Variants in NCAM2 observed in about 807,000 individuals in gnomAD.
NCAM2 encodes neural cell adhesion molecule 2, also known as N-CAM-2.
Under a neutral mutation model 98.1 loss-of-function variants are expected in NCAM2, and 30 were observed. The observed-to-expected ratio is 0.31, with a 90% CI of 0.23 to 0.41. The LOEUF (loss-of-function observed/expected upper bound fraction) is 0.41. NCAM2 is among the 10% of genes least tolerant of loss of function. The pLI, the probability that NCAM2 is intolerant of heterozygous loss-of-function variation, is 1.00. For missense variants in NCAM2, 867 were observed against 1,005.8 expected, an observed-to-expected ratio of 0.86 and a Z score of 1.87; for synonymous variants, 368 against 342.4, an observed-to-expected ratio of 1.07 and a Z score of -0.83.
At chr21:21,252,424 C>A (rs1287812709) in intron 1 of NCAM2, among the ~76,000 whole-genome samples, 1 of 150,244 alleles carries the variant, frequency 6.7e-6, no homozygotes, top group African/African-American at 2.4e-5. Context: ...AAAATATAAT[C>A]AATTATTATA....
At chr21:21,396,684 A>G (rs909386267) in intron 9 of NCAM2, among the ~76,000 whole-genome samples, 3 of 152,270 alleles carry the variant, frequency 2.0e-5, no homozygotes, top group Non-Finnish European at 2.9e-5. Context: ...TCCAGGTGCC[A>G]CTCCATGCAA....
intron 8 of NCAM2, among the ~76,000 whole-genome samples, chr21:21,340,908 T>C (rs2075012611): frequency 6.6e-6 from 1 of 152,036 alleles, no homozygotes; most frequent in Admixed American, 6.6e-5. Context: ...AATTTTTTCA[T>C]CTTTAAAATG....
intron 1 of NCAM2, among the ~76,000 whole-genome samples, chr21:21,241,163 T>G (rs1007742686): frequency 3.3e-5 from 5 of 152,216 alleles, no homozygotes; most frequent in Admixed American, 1.3e-4. Context: ...CACTTTCAAT[T>G]AAAAACAAAA....
intron 1 of NCAM2, among the ~76,000 whole-genome samples, chr21:21,095,314 C>G (rs1408675354): frequency 6.6e-6 from 1 of 151,340 alleles, no homozygotes; most frequent in East Asian, 1.9e-4. Flanking sequence ...ACATACATAC[C>G]AGAGACTGTT....
chr21:21,362,102 C>T (rs149325240), intron 8 of NCAM2, among the ~76,000 whole-genome samples: 2 of 152,066 alleles, frequency 1.3e-5, no homozygotes, highest in African/African-American at 2.4e-5. Context: ...TACTTGCCTG[C>T]GTTATTTCAG....
intron 8 of NCAM2, 102 bp downstream of exon 8, chr21:21,338,636 T>G: frequency 1.7e-6 from 2 of 1,173,200 alleles, no homozygotes; most frequent in Non-Finnish European, 2.3e-6. Flanking sequence ...TAGTAACTTG[T>G]AGGATCAAAT....
chr21:21,450,796 A>G (rs1444764364), intron 12 of NCAM2, among the ~76,000 whole-genome samples: 1 of 19,566 alleles, frequency 5.1e-5, no homozygotes, highest in African/African-American at 1.0e-4. Flanking sequence ...GTATGTATAC[A>G]CACACACACA....
chr21:21,474,713 C>G (rs1041383859), intron 14 of NCAM2, among the ~76,000 whole-genome samples: 1 of 152,108 alleles, frequency 6.6e-6, no homozygotes, highest in Non-Finnish European at 1.5e-5. Flanking sequence ...TCTGCTGCCT[C>G]ATGGATCCCT....
chr21:21,158,908 A>T (rs1250685298), intron 1 of NCAM2, among the ~76,000 whole-genome samples: 1 of 152,170 alleles, frequency 6.6e-6, no homozygotes, highest in Non-Finnish European at 1.5e-5. Flanking sequence ...CGTAACTATT[A>T]AAGAGCCTCA....
At chr21:21,426,758 A>G (rs939932617) in intron 11 of NCAM2, among the ~76,000 whole-genome samples, 12 of 151,928 alleles carry the variant, frequency 7.9e-5, no homozygotes, top group Non-Finnish European at 1.6e-4. Flanking sequence ...TGACATTCAC[A>G]CCCCTCCAGC....
At chr21:21,285,607 T>A (rs544566156) in intron 3 of NCAM2, among the ~76,000 whole-genome samples, 34 of 152,024 alleles carry the variant, frequency 2.2e-4, no homozygotes, top group African/African-American at 4.8e-4. Flanking sequence ...GTAAAAAAAA[T>A]TTTTGCAAGA....
At chr21:21,090,245 T>A (rs1261608761) in intron 1 of NCAM2, among the ~76,000 whole-genome samples, 1 of 152,170 alleles carries the variant, frequency 6.6e-6, no homozygotes, top group African/African-American at 2.4e-5. Flanking sequence ...GCTGACTTTT[T>A]AAAATATTAA....
At chr21:21,428,316 A>C (rs2077259051) in intron 11 of NCAM2, among the ~76,000 whole-genome samples, 1 of 152,208 alleles carries the variant, frequency 6.6e-6, no homozygotes, top group Non-Finnish European at 1.5e-5. Context: ...CTCAGTTGAA[A>C]TATTGGGCTG....
chr21:21,033,934 G>A (rs1474241915), intron 1 of NCAM2, among the ~76,000 whole-genome samples: 2 of 151,374 alleles, frequency 1.3e-5, no homozygotes, highest in African/African-American at 4.9e-5. Flanking sequence ...TGGTTTTTTT[G>A]TTTGTTTTCT....
intron 6 of NCAM2, among the ~76,000 whole-genome samples, chr21:21,329,196 G>A (rs2074604684): frequency 6.6e-6 from 1 of 151,904 alleles, no homozygotes; most frequent in East Asian, 1.9e-4. Flanking sequence ...ATTATCCCGC[G>A]TCCGCCTCCC....
At chr21:21,042,288 G>A (rs1023739544) in intron 1 of NCAM2, among the ~76,000 whole-genome samples, 4 of 152,026 alleles carry the variant, frequency 2.6e-5, no homozygotes, top group African/African-American at 9.7e-5. Context: ...AGGTTCACAC[G>A]ATTCTCCTGC....
At chr21:21,305,749 T>A (rs188631460) in intron 5 of NCAM2, among the ~76,000 whole-genome samples, 1 of 152,242 alleles carries the variant, frequency 6.6e-6, no homozygotes, top group East Asian at 1.9e-4. Context: ...TTTATCAGCG[T>A]GCCATCTGAT....
chr21:21,017,466 C>T (rs565708241), intron 1 of NCAM2, among the ~76,000 whole-genome samples: 1 of 140,716 alleles, frequency 7.1e-6, no homozygotes, highest in Non-Finnish European at 1.5e-5. Context: ...AAACGGGAAC[C>T]AGAGTCTTCT....
chr21:21,069,502 A>G (rs1444399887), intron 1 of NCAM2, among the ~76,000 whole-genome samples: 1 of 149,452 alleles, frequency 6.7e-6, no homozygotes, highest in Non-Finnish European at 1.5e-5. Flanking sequence ...GACTACCCAT[A>G]GTATAGTAAT....
Sources: gnomAD v4.1 joint callset for allele counts (sites outside exome capture counted in the v4.1 genomes callset) on GRCh38, gnomAD v4.1.1 for gene constraint, MANE v1.5 for transcripts, NCBI Gene and HGNC (gene_info 2026-07-23, HGNC 2026-07-21) for gene names.